PTPRD: variants seen among roughly 807,000 people sequenced by gnomAD.
PTPRD encodes the protein receptor-type tyrosine-protein phosphatase delta.
PTPRD carries 34 observed loss-of-function variants against 214.5 expected under a neutral mutation model. That is an observed-to-expected ratio of 0.16 (90% CI 0.12 to 0.21). The LOEUF (loss-of-function observed/expected upper bound fraction) is 0.21. PTPRD is among the 10% of genes least tolerant of loss of function. The pLI is 1.00. For synonymous variants in PTPRD, 1,128 were observed against 845.7 expected (o/e 1.33, Z -5.79); for missense variants, 2,545 against 2,398.7 (o/e 1.06, Z -1.27).
At chr9:9,085,059 TG>T (rs2154426709) in intron 10 of PTPRD, among the ~76,000 whole-genome samples, 1 of 152,292 alleles carries the variant, frequency 6.6e-6, no homozygotes, top group South Asian at 2.1e-4. Flanking sequence ...TTATAATGTA[TG>T]ATTCTGTAAT....
intron 39 of PTPRD, among the ~76,000 whole-genome samples, chr9:8,351,167 CAA>C (rs2075335876): frequency 6.6e-6 from 1 of 152,072 alleles, no homozygotes; most frequent in Non-Finnish European, 1.5e-5. Flanking sequence ...TGACCCTCTC[CAA>C]AATAGCATCT....
chr9:10,245,417 T>C (rs993544264), intron 3 of PTPRD, among the ~76,000 whole-genome samples: 14 of 152,190 alleles, frequency 9.2e-5, no homozygotes, highest in Non-Finnish European at 1.5e-5. Flanking sequence ...AAAATTATAC[T>C]AGTATTTTCA....
intron 9 of PTPRD, among the ~76,000 whole-genome samples, chr9:9,313,266 A>G (rs188274456): frequency 6.6e-6 from 1 of 152,280 alleles, no homozygotes; most frequent in Admixed American, 6.5e-5. Flanking sequence ...AGATTATTTA[A>G]TATAAATGTG....
intron 14 of PTPRD, among the ~76,000 whole-genome samples, chr9:8,577,053 G>A (rs2092478326): frequency 6.6e-6 from 1 of 151,922 alleles, no homozygotes; most frequent in Non-Finnish European, 1.5e-5. Flanking sequence ...TATTACTAAG[G>A]TTTTCCTGAT....
At position 8,907,517 on chromosome 9, in the gene PTPRD, CAAAA is replaced by C. The variant is rs60277757; in HGVS notation, c.-104+111176_-104+111179del. Among the ~76,000 whole-genome samples the C allele has an allele frequency of 2.0e-4, 16 of 79,682 alleles. No homozygotes were observed. The South Asian group carries it at 2.1e-3, about 10-fold the overall frequency. The allele number at this position is 79,682 out of a possible 152,430, so 52.3% of individuals were successfully genotyped here. A position where few individuals can be genotyped will look rare whatever the true frequency, so the allele number is the denominator to read the frequency against. On this transcript the variant is annotated intron_variant, in intron 11 of 45. Transcript: ENST00000381196. ...AAGGTAACAGAGTGAGACTCCGTCT[CAAAA>C]AAAAAAAAAAAAATATATATATATA...
At chr9:10,346,162 T>C (rs1450001094) in intron 2 of PTPRD, among the ~76,000 whole-genome samples, 3 of 152,206 alleles carry the variant, frequency 2.0e-5, no homozygotes, top group South Asian at 4.1e-4. Flanking sequence ...AAGTAAATGT[T>C]TCCATGTAAA....
chr9:9,928,788 A>ACACACACACAC (rs1555348367), intron 5 of PTPRD, among the ~76,000 whole-genome samples: 4 of 151,318 alleles, frequency 2.6e-5, no homozygotes, highest in South Asian at 2.1e-4. Context: ...ACACACACAC[A>ACACACACACAC]ATTTGCATTT....
intron 2 of PTPRD, among the ~76,000 whole-genome samples, chr9:10,428,552 T>C (rs2098647041): frequency 6.6e-6 from 1 of 152,042 alleles, no homozygotes; most frequent in Non-Finnish European, 1.5e-5. Flanking sequence ...TAAGAAAACT[T>C]TGGAATAAGC....
intron 10 of PTPRD, among the ~76,000 whole-genome samples, chr9:9,040,428 G>A (rs2099636045): frequency 1.3e-5 from 2 of 152,252 alleles, no homozygotes; most frequent in South Asian, 4.1e-4. Flanking sequence ...AAATCCTAGA[G>A]ATTTTAAAGG....
At chr9:10,184,519 A>C (rs2099319545) in intron 3 of PTPRD, among the ~76,000 whole-genome samples, 1 of 152,150 alleles carries the variant, frequency 6.6e-6, no homozygotes, top group Non-Finnish European at 1.5e-5. Flanking sequence ...GGATCTGTGA[A>C]TCCCCAGCCC....
intron 2 of PTPRD, among the ~76,000 whole-genome samples, chr9:10,403,736 A>T (rs2098314010): frequency 6.6e-6 from 1 of 151,762 alleles, no homozygotes; most frequent in South Asian, 2.1e-4. Flanking sequence ...ACTAAGTGAA[A>T]GCCAATACAA....
At chr9:9,870,040 T>C (rs1256509570) in intron 5 of PTPRD, among the ~76,000 whole-genome samples, 3 of 152,092 alleles carry the variant, frequency 2.0e-5, no homozygotes, top group South Asian at 2.1e-4. Flanking sequence ...GTAGGTCCTA[T>C]TGAAGTATCT....
intron 2 of PTPRD, among the ~76,000 whole-genome samples, chr9:10,490,576 T>C (rs1020061009): frequency 6.6e-6 from 1 of 152,154 alleles, no homozygotes; most frequent in African/African-American, 2.4e-5. Flanking sequence ...TTAAGTTTAT[T>C]TGTCATTAGT....
chr9:9,090,295 G>A (rs1002117508), intron 10 of PTPRD, among the ~76,000 whole-genome samples: 2 of 152,046 alleles, frequency 1.3e-5, no homozygotes, highest in Admixed American at 6.6e-5. Flanking sequence ...CCACATATAA[G>A]TGAGAACACG....
chr9:9,360,257 A>G (rs927866389), intron 9 of PTPRD, among the ~76,000 whole-genome samples: 46 of 88,550 alleles, frequency 5.2e-4, no homozygotes, highest in African/African-American at 2.2e-3. Flanking sequence ...ATAGATGGGA[A>G]AAAAAAAAAG....
intron 7 of PTPRD, among the ~76,000 whole-genome samples, chr9:9,596,188 C>T (rs891249955): frequency 1.4e-4 from 21 of 151,804 alleles, no homozygotes; most frequent in African/African-American, 4.8e-4. Flanking sequence ...TATTTAGTCC[C>T]ATGTGTCAAA....
intron 9 of PTPRD, among the ~76,000 whole-genome samples, chr9:9,269,326 G>A (rs1233970455): frequency 1.3e-5 from 2 of 151,286 alleles, no homozygotes; most frequent in East Asian, 3.9e-4. Flanking sequence ...ACACCCGTTA[G>A]GATGGCCATT....
intron 10 of PTPRD, among the ~76,000 whole-genome samples, chr9:9,027,875 A>G (rs1479425489): frequency 1.3e-5 from 2 of 151,988 alleles, no homozygotes; most frequent in Non-Finnish European, 2.9e-5. Context: ...TTGGTCTACT[A>G]ACAGTTCTTG....
At chr9:10,168,786 T>C (rs1476550360) in intron 3 of PTPRD, among the ~76,000 whole-genome samples, 1 of 152,228 alleles carries the variant, frequency 6.6e-6, no homozygotes, top group Non-Finnish European at 1.5e-5. Context: ...GGAATTTCAG[T>C]TCTCTTTCTG....
Sources: gnomAD v4.1 joint callset for allele counts (sites outside exome capture counted in the v4.1 genomes callset) on GRCh38, gnomAD v4.1.1 for gene constraint, MANE v1.5 for transcripts, NCBI Gene and HGNC (gene_info 2026-07-23, HGNC 2026-07-21) for gene names.